AKAP7: variants seen among roughly 807,000 people sequenced by gnomAD.
The protein encoded by AKAP7 is A kinase (PRKA) anchor protein 7.
In AKAP7, 39 loss-of-function variants were observed where a neutral mutation model predicts 39.5. The observed-to-expected ratio is 0.99, with a 90% confidence interval of 0.76 to 1.29. The LOEUF is 1.29. Among genes scored for constraint, AKAP7 ranks in the 50% most tolerant of loss-of-function variants. The pLI, the probability that AKAP7 is intolerant of heterozygous loss-of-function variation, is 0.00. For synonymous variants in AKAP7, 140 were observed against 139.1 expected, an observed-to-expected ratio of 1.01 and a Z score of -0.05; for missense variants, 414 against 407.7, an observed-to-expected ratio of 1.02 and a Z score of -0.13.
At chr6:131,250,547 A>AAGAC (rs780888800) in intron 7 of AKAP7, 2 of 1,613,984 alleles carry the variant, frequency 1.2e-6, no homozygotes, top group Non-Finnish European at 1.7e-6. Context: ...AACACCAGGA[A>AAGAC]AGACAGACAG....
At chr6:131,239,979 C>T (rs528959617) in intron 7 of AKAP7, among the ~76,000 whole-genome samples, 3,879 of 152,188 alleles carry the variant, frequency 0.025, 158 homozygotes, top group African/African-American at 0.088. Flanking sequence ...GGAGGAGAGG[C>T]GCTCTGATTT....
At chr6:131,217,556 A>G (rs1001134641) in intron 6 of AKAP7, among the ~76,000 whole-genome samples, 8 of 152,134 alleles carry the variant, frequency 5.3e-5, no homozygotes, top group Non-Finnish European at 1.0e-4. Flanking sequence ...TGCCTTTTTG[A>G]ACCATAGCTC....
At chr6:131,224,115 G>C (rs1244750830) in intron 7 of AKAP7, among the ~76,000 whole-genome samples, 1 of 152,040 alleles carries the variant, frequency 6.6e-6, no homozygotes, top group Non-Finnish European at 1.5e-5. Context: ...TGCTTTCGTG[G>C]GTCACATTTG....
At chr6:131,278,381 A>G (rs568651322) in intron 7 of AKAP7, among the ~76,000 whole-genome samples, 1 of 152,342 alleles carries the variant, frequency 6.6e-6, no homozygotes, top group South Asian at 2.1e-4. Flanking sequence ...CAATTGTTGA[A>G]TGAATGACCA....
chr6:131,273,147 T>C (rs1235934029), intron 7 of AKAP7, among the ~76,000 whole-genome samples: 3 of 152,204 alleles, frequency 2.0e-5, no homozygotes, highest in Non-Finnish European at 1.5e-5. Flanking sequence ...TCTTTAGCTT[T>C]CTTTCCATTG....
chr6:131,145,440 C>T (rs372491044), intron 2 of AKAP7, 24 bp downstream of exon 2: 58 of 1,381,548 alleles, frequency 4.2e-5, no homozygotes, highest in East Asian at 5.3e-5. Context: ...TAAGTAAACG[C>T]GTATTTAGAA....
At chr6:131,266,468 A>T (rs769154742) in intron 7 of AKAP7, among the ~76,000 whole-genome samples, 4 of 152,240 alleles carry the variant, frequency 2.6e-5, no homozygotes, top group Non-Finnish European at 5.9e-5. Context: ...CATTTCCTAC[A>T]GTAAGAATTT....
At chr6:131,215,640 A>G (rs944426109) in intron 6 of AKAP7, among the ~76,000 whole-genome samples, 9 of 152,240 alleles carry the variant, frequency 5.9e-5, no homozygotes, top group African/African-American at 2.2e-4. Flanking sequence ...GAACTTTAAG[A>G]TTTGCCAGGG....
intron 5 of AKAP7, among the ~76,000 whole-genome samples, chr6:131,190,722 T>C (rs1169192385): frequency 1.3e-5 from 2 of 152,032 alleles, no homozygotes; most frequent in Admixed American, 1.3e-4. Context: ...GCAAATAAGA[T>C]AATAAATAAA....
intron 7 of AKAP7, among the ~76,000 whole-genome samples, chr6:131,268,484 T>TC (rs1813995237): frequency 6.6e-6 from 1 of 152,326 alleles, no homozygotes; most frequent in Middle Eastern, 3.4e-3. Context: ...AAAAAAGTGT[T>TC]CCTGTGACTG....
chr6:131,240,019 T>C (rs1811402763), intron 7 of AKAP7, among the ~76,000 whole-genome samples: 1 of 152,236 alleles, frequency 6.6e-6, no homozygotes, highest in South Asian at 2.1e-4. Context: ...TGCTCTGTTT[T>C]TTCCCCATCT....
At chr6:131,254,556 G>A (rs1003808082) in intron 7 of AKAP7, among the ~76,000 whole-genome samples, 2 of 152,168 alleles carry the variant, frequency 1.3e-5, no homozygotes, top group African/African-American at 4.8e-5. Flanking sequence ...CCATTTTGAA[G>A]TACACTGCTT....
chr6:131,233,695 A>G (rs1404520789), intron 7 of AKAP7, among the ~76,000 whole-genome samples: 1 of 152,172 alleles, frequency 6.6e-6, no homozygotes, highest in East Asian at 1.9e-4. Context: ...TGAACTCTAA[A>G]GGATTAAGAT....
At chr6:131,184,563 C>G in intron 5 of AKAP7, 4 of 726,554 alleles carry the variant, frequency 5.5e-6, no homozygotes, top group Non-Finnish European at 2.6e-6. Context: ...GCCCCATCAT[C>G]ATGGGGGTGA....
chr6:131,131,056 C>T (rs1383890020), upstream of AKAP7, among the ~76,000 whole-genome samples: 2 of 152,146 alleles, frequency 1.3e-5, no homozygotes, highest in East Asian at 3.8e-4. Context: ...ATATGCAAAC[C>T]TATCCTGAAG....
At position 131,240,317 on chromosome 6, in the gene AKAP7, A is replaced by G. The variant is rs576143751; in HGVS notation, c.850+20509A>G. Among the ~76,000 whole-genome samples the G allele has an allele frequency of 6.1e-3, 925 of 152,268 alleles. 7 individuals are homozygous for G. Among genetic ancestry groups the G allele is most frequent in the Non-Finnish European group, 7.7e-3 (524 of 68,010 alleles). On this transcript the variant is annotated intron_variant, in intron 7 of 7. Coordinates refer to ENST00000431975, the MANE Select transcript of AKAP7 (RefSeq NM_016377.4). The stretch of plus-strand genomic sequence containing the variant: ...CCGTGTGAGGTGTCAGTCTGCCCCT[A>G]CTGGGGGGTGTCTCCCAGTTAGGCT...
chr6:131,161,573 A>G (rs1802950689), intron 3 of AKAP7, among the ~76,000 whole-genome samples: 1 of 134,740 alleles, frequency 7.4e-6, no homozygotes, highest in Non-Finnish European at 1.5e-5. Flanking sequence ...TGAGTCCAGG[A>G]GGCAGAGGTT....
intron 2 of AKAP7, among the ~76,000 whole-genome samples, chr6:131,155,787 A>T (rs1206275700): frequency 1.3e-5 from 2 of 152,128 alleles, no homozygotes; most frequent in Non-Finnish European, 2.9e-5. Context: ...GATGTATTTA[A>T]CACCACTGAA....
At chr6:131,174,297 T>C (rs887169182) in intron 5 of AKAP7, among the ~76,000 whole-genome samples, 1 of 152,258 alleles carries the variant, frequency 6.6e-6, no homozygotes, top group African/African-American at 2.4e-5. Context: ...GCAACATGTA[T>C]TTATTAATTA....
Sources: allele counts gnomAD v4.1 joint callset (sites outside exome capture counted in the v4.1 genomes callset), GRCh38; gene constraint gnomAD v4.1.1; transcripts MANE v1.5; gene names NCBI Gene and HGNC (gene_info 2026-07-23, HGNC 2026-07-21).